METTL17: variants seen among roughly 807,000 people sequenced by gnomAD.
The protein encoded by METTL17 is methyltransferase like 17.
In METTL17, 49 loss-of-function variants were observed where a neutral mutation model predicts 59.4. The observed-to-expected ratio is 0.82, with a 90% CI of 0.66 to 1.05. The LOEUF (loss-of-function observed/expected upper bound fraction) is 1.05, where lower values mean the gene tolerates loss of function less well. Among genes scored for constraint, METTL17 ranks in the 50% least tolerant of loss-of-function variants. METTL17 has a pLI of 0.00. For synonymous variants in METTL17, 208 were observed against 209.2 expected (o/e 0.99, Z 0.05); for missense variants, 555 against 578.4 (o/e 0.96, Z 0.41).
chr14:20,995,036 A>AT, intron 9 of METTL17, 129 bp from the exon 10 acceptor site: 1 of 1,138,742 alleles, frequency 8.8e-7, no homozygotes, highest in Non-Finnish European at 1.3e-6. Flanking sequence ...GAGGGTCTCC[A>AT]TCCTGATTAT....
intron 3 of METTL17, 189 bp downstream of exon 3, chr14:20,990,787 T>G: frequency 2.8e-6 from 2 of 708,890 alleles, no homozygotes. Context: ...TAGGTAAAGG[T>G]CAGAATGTCC....
Position 20,990,538 on chromosome 14 carries a change from G to C in METTL17, c.304G>C (p.Glu102Gln). The C allele has an allele frequency of 1.2e-6, 2 of 1,614,262 alleles. No homozygotes were observed. Among genetic ancestry groups the C allele is most frequent in the African/African-American group, 1.3e-5 (1 of 75,068 alleles). ...SYLWSRHLPV[E>Q]PEELQRRARH... Reference sequence around the variant, plus strand: ...TCTCTGGAGCAGACATTTGCCTGTAGAGCCAGAGGAGTTGCAAAGACGGGC... The same window carrying C: ...TCTCTGGAGCAGACATTTGCCTGTACAGCCAGAGGAGTTGCAAAGACGGGC... Residue 102 changes from glutamate (E) to glutamine (Q), a missense_variant, in exon 3 of 14, where the codon GAG (glutamate) becomes CAG (glutamine). Coordinates refer to ENST00000339374, the MANE Select transcript of METTL17 (RefSeq NM_022734.3).
intron 4 of METTL17, 73 bp downstream of exon 4, chr14:20,992,278 A>G (rs1347100108): frequency 2.1e-6 from 2 of 943,132 alleles, no homozygotes; most frequent in African/African-American, 3.3e-5. Context: ...GAGTACAATT[A>G]CACAATCAAT....
intron 12 of METTL17, 99 bp from the exon 13 acceptor site, chr14:20,996,428 C>T: frequency 6.7e-7 from 1 of 1,495,912 alleles, no homozygotes; most frequent in Non-Finnish European, 9.1e-7. Flanking sequence ...ATGATTTATA[C>T]ATTGTAAAAA....
At chr14:20,993,426 G>T in intron 6 of METTL17, 1 of 481,572 alleles carries the variant, frequency 2.1e-6, no homozygotes, top group Non-Finnish European at 3.6e-6. Context: ...AAAAGAAAAG[G>T]AATTATCAAT....
At position 20,990,068 on chromosome 14, in the gene METTL17, C is replaced by A. The variant is rs773575991; in HGVS notation, c.66C>A (p.Pro22=). 6.2e-7 allele frequency: 1 copy of A among 1,613,184 alleles called. No individual in the cohort carries two copies. Among genetic ancestry groups the A allele is most frequent in the Non-Finnish European group, 8.5e-7 (1 of 1,180,010 alleles). Residue 22 remains proline, a synonymous_variant, in exon 1 of 14, where the codon CCC becomes CCA. Transcript: ENST00000339374. ...GRWCPGLGVA[P]QARALAALVP... is the part of the protein sequence containing the mutation. ...GGTGCCCCGGCCTTGGAGTGGCTCC[C>A]CAGGCCCGGGTGAGTGCCTACATTC...
intron 3 of METTL17, chr14:20,990,808 T>TC: frequency 1.7e-6 from 1 of 586,552 alleles, no homozygotes; most frequent in Non-Finnish European, 2.8e-6. Context: ...CAGTATACTG[T>TC]TTTTTGTTTG....
chr14:20,996,174 C>G (rs1283538401), intron 11 of METTL17, 35 bp from the exon 12 acceptor site: 3 of 1,592,174 alleles, frequency 1.9e-6, no homozygotes, highest in Non-Finnish European at 1.7e-6. Context: ...ATTGATGGCT[C>G]TTTTGTCTTA....
chr14:20,990,964 G>T (rs1880001962), intron 3 of METTL17, among the ~76,000 whole-genome samples: 1 of 152,024 alleles, frequency 6.6e-6, no homozygotes, highest in African/African-American at 2.4e-5. Context: ...TTCAGTAGCT[G>T]GGATTACAGG....
rs1001319531 is a variant in METTL17, at chr14:20,993,650, T to G, written c.603-319T>G. 5.1e-5 allele frequency: 11 copies of G among 215,938 alleles called. No homozygotes were observed. In the South Asian group the frequency reaches 7.9e-4, roughly 16 times the overall value. The allele number at this position is 215,938 out of a possible 1,614,324, so 13.4% of individuals were successfully genotyped here. On this transcript the variant is annotated intron_variant, in intron 6 of 13. Coordinates refer to ENST00000339374, the MANE Select transcript of METTL17 (RefSeq NM_022734.3). ...CCACCACACCCAGCTAATTTTTGTA[T>G]TTTTAGTAGAGACGGGGTTTCACCA...
In METTL17 at chr14:20,992,132, C is replaced by G. The variant is rs774261633; in HGVS notation, c.373C>G (p.Gln125Glu). The G allele has an allele frequency of 1.2e-6, 2 of 1,613,324 alleles. No individual in the cohort carries two copies. Among genetic ancestry groups the G allele is most frequent in the East Asian group, 4.5e-5 (2 of 44,834 alleles). ...CCTTGTTCTCACCACAGACTTATCT[C>G]AGACAGAGGAGAAACTTCGTGGAGC... Reference protein sequence around the residue: ...KKFLENPDLSQTEEKLRGAVL... With the variant: ...KKFLENPDLSETEEKLRGAVL... The change falls in exon 4 of 14, where the codon CAG becomes GAG. Residue 125 changes from glutamine to glutamate, a missense_variant. Physicochemically the swap from Gln to Glu is conservative, Grantham distance 29. Coordinates refer to ENST00000339374, the MANE Select transcript of METTL17 (RefSeq NM_022734.3).
At chr14:20,994,128 T>G (rs1400960465) in intron 7 of METTL17, 65 bp downstream of exon 7, 19 of 1,184,848 alleles carry the variant, frequency 1.6e-5, no homozygotes, top group African/African-American at 3.0e-5. Context: ...AGTAAAAGTG[T>G]TTTACTGGGA....
At chr14:20,990,769 A>T in intron 3 of METTL17, 171 bp downstream of exon 3, 1 of 804,250 alleles carries the variant, frequency 1.2e-6, no homozygotes, top group Non-Finnish European at 1.9e-6. Flanking sequence ...ATTATTTTAG[A>T]GATTGCTTAG....
intron 5 of METTL17, 177 bp from the exon 6 acceptor site, chr14:20,992,941 C>T: frequency 1.6e-6 from 1 of 631,150 alleles, no homozygotes; most frequent in Admixed American, 2.9e-5. Context: ...CTTTCTGTGA[C>T]CCAAGAAAGG....
In METTL17 at chr14:20,993,260, A is replaced by G. The variant is rs563639535; in HGVS notation, c.602+69A>G. On this transcript the variant is annotated intron_variant, in intron 6 of 13. Transcript: ENST00000339374. Reference sequence around the variant, plus strand: ...AGAAAGCCATACTTACACCACTCCAAAATTAACAGACTGGAAAACCAGAGG... The same window carrying G: ...AGAAAGCCATACTTACACCACTCCAGAATTAACAGACTGGAAAACCAGAGG... 1.3e-5 allele frequency: 17 copies of G among 1,271,266 alleles called. No homozygotes were observed. The East Asian group carries it at 3.7e-4, about 28-fold the overall frequency. 78.7% of individuals were successfully genotyped at this position (1,271,266 alleles called of 1,614,324 possible). A position where few individuals can be genotyped will look rare whatever the true frequency, so the allele number is the denominator to read the frequency against.
intron 5 of METTL17, 110 bp downstream of exon 5, chr14:20,992,732 T>G: frequency 1.2e-6 from 1 of 831,500 alleles, no homozygotes; most frequent in Non-Finnish European, 2.0e-6. Context: ...ATTTTTTTTT[T>G]AAAGAGGATC....
chr14:20,990,099 T>C, intron 1 of METTL17, 22 bp downstream of exon 1: 1 of 1,612,710 alleles, frequency 6.2e-7, no homozygotes. Flanking sequence ...CATTCCCTGC[T>C]GTCGGAGAGA....
chr14:20,990,830 T>TTTG (rs574296018), intron 3 of METTL17: 145,249 of 473,794 alleles, frequency 0.31, 21,362 homozygotes, highest in Non-Finnish European at 0.37. Flanking sequence ...TTGTTTGTTT[T>TTTG]GTTGTTTTGT....
At chr14:20,996,755 T>A in intron 13 of METTL17, 30 bp from the exon 14 acceptor site, 1 of 1,614,250 alleles carries the variant, frequency 6.2e-7, no homozygotes, top group Non-Finnish European at 8.5e-7. Flanking sequence ...GGCAGGAAGC[T>A]GCAGCCCACG....
Sources: allele counts gnomAD v4.1 joint callset (sites outside exome capture counted in the v4.1 genomes callset), GRCh38; gene constraint gnomAD v4.1.1; transcripts MANE v1.5; gene names NCBI Gene and HGNC (gene_info 2026-07-23, HGNC 2026-07-21).